Variants in ENAH observed in about 807,000 individuals in gnomAD.
ENAH encodes the protein ENAH actin regulator.
A neutral mutation model predicts 78.7 loss-of-function variants in ENAH; 23 were observed. The observed-to-expected ratio is 0.29, with a 90% CI of 0.21 to 0.41. The LOEUF (loss-of-function observed/expected upper bound fraction) is 0.41, where lower values mean the gene tolerates loss of function less well. Among genes scored for constraint, ENAH ranks in the 10% least tolerant of loss-of-function variants. The probability of loss-of-function intolerance (pLI) is 1.00; values close to 1 mark genes in which losing one functional copy is unlikely to be tolerated. For missense variants in ENAH, 544 were observed against 691.0 expected (o/e 0.79, Z 2.39); for synonymous variants, 226 against 241.0 (o/e 0.94, Z 0.58).
chr1:225,601,501 G>A (rs1265361811), intron 1 of ENAH, among the ~76,000 whole-genome samples: 1 of 148,900 alleles, frequency 6.7e-6, no homozygotes, highest in African/African-American at 2.5e-5. Context: ...CTGGGTGACA[G>A]AGTGAGACTC....
At chr1:225,519,623 GCGATTCTTTTCAC>G in intron 4 of ENAH, 58 bp from the exon 5 acceptor site, 1 of 1,551,638 alleles carries the variant, frequency 6.4e-7, no homozygotes, top group Non-Finnish European at 8.6e-7. Flanking sequence ...TCATGAAAAA[GCGATTCTTTTCAC>G]CTATGTAAAC....
chr1:225,639,179 T>C (rs1423448324), intron 1 of ENAH, among the ~76,000 whole-genome samples: 1 of 151,898 alleles, frequency 6.6e-6, no homozygotes, highest in Non-Finnish European at 1.5e-5. Flanking sequence ...AAAAAATGAG[T>C]ATTTGGAAAG....
chr1:225,649,517 CA>C (rs1662581387), intron 1 of ENAH, among the ~76,000 whole-genome samples: 1 of 152,064 alleles, frequency 6.6e-6, no homozygotes, highest in Non-Finnish European at 1.5e-5. Flanking sequence ...ACTTTAATCA[CA>C]AAGCATCTTA....
At chr1:225,534,077 G>A (rs1035264111) in intron 3 of ENAH, among the ~76,000 whole-genome samples, 30 of 152,090 alleles carry the variant, frequency 2.0e-4, no homozygotes, top group Admixed American at 9.8e-4. Context: ...ATTATTCTGC[G>A]TATGGACCTC....
At chr1:225,638,065 G>C (rs1243364224) in intron 1 of ENAH, among the ~76,000 whole-genome samples, 1 of 152,042 alleles carries the variant, frequency 6.6e-6, no homozygotes, top group Non-Finnish European at 1.5e-5. Context: ...CTACATTATA[G>C]CAAATTTCAA....
intron 4 of ENAH, chr1:225,524,725 A>T: frequency 1.1e-6 from 1 of 880,602 alleles, no homozygotes; most frequent in Non-Finnish European, 1.4e-6. Context: ...CCCCTTTTAT[A>T]ACTTTCAGAT....
chr1:225,514,373 C>T (rs2096400683), intron 7 of ENAH, among the ~76,000 whole-genome samples: 2 of 151,966 alleles, frequency 1.3e-5, no homozygotes, highest in Admixed American at 1.3e-4. Flanking sequence ...ACATGTTGGC[C>T]AGCCTGGTCT....
chr1:225,620,245 A>G (rs1337291720), intron 1 of ENAH, among the ~76,000 whole-genome samples: 1 of 151,970 alleles, frequency 6.6e-6, no homozygotes, highest in African/African-American at 2.4e-5. Context: ...GAAAAGTACC[A>G]GGCCTCGCGC....
At chr1:225,539,088 T>C (rs778830989) in intron 3 of ENAH, among the ~76,000 whole-genome samples, 3 of 152,236 alleles carry the variant, frequency 2.0e-5, no homozygotes, top group African/African-American at 4.8e-5. Context: ...TATCAGAGTG[T>C]TGGTTGACTC....
intron 1 of ENAH, among the ~76,000 whole-genome samples, chr1:225,593,418 T>TGTG (rs2096887694): frequency 2.4e-5 from 1 of 41,910 alleles, no homozygotes; most frequent in South Asian, 1.7e-3. Flanking sequence ...GGGGGGGGGG[T>TGTG]GGGGGGTGCC....
At position 225,567,494 on chromosome 1, in the gene ENAH, G is replaced by C. The variant is rs1000337350; in HGVS notation, c.6-80C>G. The C allele has an allele frequency of 2.1e-6, 3 of 1,402,664 alleles. No homozygotes were observed. The African/African-American group carries it at 4.3e-5, about 20-fold the overall frequency. 86.9% of individuals were successfully genotyped at this position (1,402,664 alleles called of 1,614,324 possible). ...GTTCCACATAGCCACACAAACCTAG[G>C]AGTCAGTCAACGATCAGTGCTGTTA... On this transcript the variant is annotated intron_variant, in intron 1 of 13. Transcript: ENST00000366843.
chr1:225,492,794 C>A lies in ENAH; in HGVS notation c.*4981G>T, dbSNP rs1417127843. 6.6e-6 allele frequency: 1 copy of A among 152,206 alleles called. No individual in the cohort carries two copies. Among genetic ancestry groups the A allele is most frequent in the African/African-American group, 2.4e-5 (1 of 41,444 alleles). The allele number at this position is 152,206 out of a possible 1,614,324, so 9.4% of individuals were successfully genotyped here. A position where few individuals can be genotyped will look rare whatever the true frequency, so the allele number is the denominator to read the frequency against. On this transcript the variant is annotated 3_prime_UTR_variant, in exon 14 of 14. Transcript: ENST00000366843. ...ATGTATCGATTCCTTCAGATTTCAA[C>A]AGAAATAACCAATAAATGTGGCAGA...
chr1:225,561,676 A>G (rs1401624451), intron 2 of ENAH, among the ~76,000 whole-genome samples: 1 of 139,624 alleles, frequency 7.2e-6, no homozygotes, highest in Non-Finnish European at 1.6e-5. Flanking sequence ...TGTTCACTTA[A>G]TAACTACTTA....
intron 1 of ENAH, among the ~76,000 whole-genome samples, chr1:225,594,423 A>T (rs2096892634): frequency 6.6e-6 from 1 of 152,158 alleles, no homozygotes; most frequent in Non-Finnish European, 1.5e-5. Context: ...TCACCTTCTT[A>T]ATTGTTACTG....
In ENAH at chr1:225,652,699, C is replaced by A; in HGVS notation, c.-9G>T. ...CGCGCCCCTCACCTCATGGTGCCGG[C>A]GGCGCAGAGGCTTCCCCACCAGCCG... On this transcript the variant is annotated 5_prime_UTR_variant, in exon 1 of 14. Coordinates refer to ENST00000366843, the MANE Select transcript of ENAH (RefSeq NM_018212.6). 7.6e-7 allele frequency: 1 copy of A among 1,319,942 alleles called. No individual in the cohort carries two copies. The highest frequency in any genetic ancestry group is 9.6e-7 in the Non-Finnish European group (1 of 1,036,978). 81.8% of individuals were successfully genotyped at this position (1,319,942 alleles called of 1,614,324 possible). A position where few individuals can be genotyped will look rare whatever the true frequency, so the allele number is the denominator to read the frequency against.
chr1:225,574,888 G>A (rs967898157), intron 1 of ENAH, among the ~76,000 whole-genome samples: 1 of 812 alleles, frequency 1.2e-3, no homozygotes, highest in Admixed American at 0.026. Flanking sequence ...GCGACAGAGC[G>A]AGACTCCGTC....
intron 10 of ENAH, among the ~76,000 whole-genome samples, chr1:225,510,700 A>T (rs763953125): frequency 2.3e-3 from 244 of 107,168 alleles, no homozygotes; most frequent in Middle Eastern, 0.01. Flanking sequence ...AGAGGTACTT[A>T]AAAAAAAAAA....
chr1:225,519,056 T>C (rs762375500), intron 5 of ENAH, 142 bp downstream of exon 5: 56 of 1,255,502 alleles, frequency 4.5e-5, no homozygotes, highest in Non-Finnish European at 6.1e-5. Flanking sequence ...AAAGTAGTAA[T>C]TGCTGCATAT....
At chr1:225,553,574 G>GAA (rs1262114937) in intron 3 of ENAH, among the ~76,000 whole-genome samples, 1 of 125,402 alleles carries the variant, frequency 8.0e-6, no homozygotes, top group Admixed American at 7.9e-5. Context: ...AAGATATTAA[G>GAA]AAAAAAAAAA....
Sources: gnomAD v4.1 joint callset for allele counts (sites outside exome capture counted in the v4.1 genomes callset) on GRCh38, gnomAD v4.1.1 for gene constraint, MANE v1.5 for transcripts, NCBI Gene and HGNC (gene_info 2026-07-23, HGNC 2026-07-21) for gene names.